Variants in GALNT10 observed in about 807,000 individuals in gnomAD.
GALNT10 encodes GalNAc transferase 10.
In GALNT10, 41 loss-of-function variants were observed where a neutral mutation model predicts 75.0. The ratio of observed to expected loss-of-function variants is 0.55; its 90% CI spans 0.43 to 0.71. The LOEUF is 0.71. Among genes scored for constraint, GALNT10 ranks in the 30% least tolerant of loss-of-function variants. The pLI is 0.00. For synonymous variants in GALNT10, 302 were observed against 313.0 expected, an observed-to-expected ratio of 0.96 and a Z score of 0.37; for missense variants, 727 against 818.5, an observed-to-expected ratio of 0.89 and a Z score of 1.36.
chr5:154,221,639 G>T (rs1158354762), intron 1 of GALNT10, among the ~76,000 whole-genome samples: 1 of 152,194 alleles, frequency 6.6e-6, no homozygotes, highest in African/African-American at 2.4e-5. Flanking sequence ...AAAAACCACA[G>T]GAATGCAACC....
intron 5 of GALNT10, among the ~76,000 whole-genome samples, chr5:154,377,569 C>T (rs1755676200): frequency 6.6e-6 from 1 of 152,164 alleles, no homozygotes; most frequent in South Asian, 2.1e-4. Flanking sequence ...CCAGTGATGC[C>T]AGTGTTGCTG....
chr5:154,313,871 C>T (rs964476544), intron 3 of GALNT10, among the ~76,000 whole-genome samples: 4 of 152,198 alleles, frequency 2.6e-5, no homozygotes, highest in African/African-American at 7.2e-5. Context: ...ACTTTTCACA[C>T]TCTACCCACT....
chr5:154,219,741 A>G (rs868718190), intron 1 of GALNT10: 11 of 151,988 alleles, frequency 7.2e-5, no homozygotes, highest in Non-Finnish European at 1.0e-4. Flanking sequence ...TCCAAGCCCA[A>G]CGTTTTACAA....
chr5:154,414,315 A>G (rs1582021805), intron 10 of GALNT10, among the ~76,000 whole-genome samples: 1 of 152,252 alleles, frequency 6.6e-6, no homozygotes, highest in East Asian at 1.9e-4. Context: ...ACTAATGTTC[A>G]TAGCAGGTTT....
In GALNT10 at chr5:154,416,157, C is replaced by T. The variant is rs1756503576; in HGVS notation, c.1653+225C>T. ...CTGATTCCATTTAAAAAGAAAAGTGCAGCCGGGCACAGTGGCTCATGCCTG... is the reference window on the plus strand; with the variant it reads ...CTGATTCCATTTAAAAAGAAAAGTGTAGCCGGGCACAGTGGCTCATGCCTG... On this transcript the variant is annotated intron_variant, in intron 11 of 11. Transcript: ENST00000297107. This position sits in a 1 kb window ranked among gnomAD's most constrained non-coding sequence, Gnocchi z 4.5. 6.6e-6 allele frequency among the ~76,000 whole-genome samples: 1 copy of T among 152,128 alleles called. No individual in the cohort carries two copies. The highest frequency in any genetic ancestry group is 1.5e-5 in the Non-Finnish European group (1 of 68,020).
At chr5:154,339,792 C>T (rs546072141) in intron 4 of GALNT10, among the ~76,000 whole-genome samples, 1 of 152,294 alleles carries the variant, frequency 6.6e-6, no homozygotes, top group African/African-American at 2.4e-5. Flanking sequence ...GGATTAAAGT[C>T]TAACCTTTTC....
At chr5:154,299,872 T>A (rs1581962646) in intron 3 of GALNT10, among the ~76,000 whole-genome samples, 1 of 144,660 alleles carries the variant, frequency 6.9e-6, no homozygotes, top group Non-Finnish European at 1.5e-5. Context: ...TCTCGCCCTA[T>A]CACCCAGGCT....
chr5:154,293,001 A>G (rs552332371), intron 1 of GALNT10, among the ~76,000 whole-genome samples: 2 of 152,264 alleles, frequency 1.3e-5, no homozygotes, highest in African/African-American at 2.4e-5. Flanking sequence ...TCTAACCAAG[A>G]CATCTAGCAC....
rs1460077384 is a variant in GALNT10 at position 154,376,592 on chromosome 5, G to T, written c.754+130G>T. 3.4e-6 allele frequency: 2 copies of T among 596,472 alleles called. No homozygotes were observed. Among genetic ancestry groups the T allele is most frequent in the Non-Finnish European group, 5.7e-6 (2 of 347,844 alleles). The allele number at this position is 596,472 out of a possible 1,614,324, so 36.9% of individuals were successfully genotyped here. On this transcript the variant is annotated intron_variant, in intron 5 of 11. Coordinates refer to ENST00000297107, the MANE Select transcript of GALNT10 (RefSeq NM_198321.4). This position sits in a 1 kb window ranked among gnomAD's most constrained non-coding sequence, Gnocchi z 4.1. Reference sequence around the variant, plus strand: ...CGAGATGCCCCCAGCACAATGCCAGGTGCCATGAGGGATTCAGAAGTTCAG... The same window carrying T: ...CGAGATGCCCCCAGCACAATGCCAGTTGCCATGAGGGATTCAGAAGTTCAG...
chr5:154,227,621 A>G (rs1753084259), intron 1 of GALNT10, among the ~76,000 whole-genome samples: 1 of 151,978 alleles, frequency 6.6e-6, no homozygotes, highest in Admixed American at 6.6e-5. Context: ...TTATTCTTTT[A>G]ATAGTGTCCT....
chr5:154,197,593 G>A (rs770165062), intron 1 of GALNT10, among the ~76,000 whole-genome samples: 2 of 152,080 alleles, frequency 1.3e-5, no homozygotes, highest in African/African-American at 2.4e-5. Context: ...CTTCCCTATG[G>A]CTTTAAGAGA....
chr5:154,397,575 T>TA (rs1180738504), intron 7 of GALNT10, among the ~76,000 whole-genome samples: 3 of 152,196 alleles, frequency 2.0e-5, no homozygotes, highest in African/African-American at 7.2e-5. Context: ...TCAATTCTAA[T>TA]TCCAGAACCA....
intron 3 of GALNT10, among the ~76,000 whole-genome samples, chr5:154,324,346 C>T (rs1754723607): frequency 6.6e-6 from 1 of 152,194 alleles, no homozygotes; most frequent in African/African-American, 2.4e-5. Flanking sequence ...CTAATTGATG[C>T]TTGGATATAA....
intron 1 of GALNT10, among the ~76,000 whole-genome samples, chr5:154,282,660 T>C (rs1159580235): frequency 6.6e-6 from 1 of 152,210 alleles, no homozygotes; most frequent in Non-Finnish European, 1.5e-5. Context: ...CAGCTCTCTT[T>C]TGAGCTTTGT....
At chr5:154,357,815 C>T (rs1488440348) in intron 4 of GALNT10, among the ~76,000 whole-genome samples, 2 of 152,108 alleles carry the variant, frequency 1.3e-5, no homozygotes, top group Admixed American at 6.5e-5. Context: ...CCTGGGGGCC[C>T]GTTAAGCATC....
intron 1 of GALNT10, among the ~76,000 whole-genome samples, chr5:154,269,291 C>G (rs1753826377): frequency 6.6e-6 from 1 of 152,148 alleles, no homozygotes; most frequent in Non-Finnish European, 1.5e-5. Context: ...TAAATGCTAG[C>G]TATTATTGTT....
intron 1 of GALNT10, among the ~76,000 whole-genome samples, chr5:154,258,545 T>G (rs1418677887): frequency 6.6e-6 from 1 of 152,216 alleles, no homozygotes; most frequent in Non-Finnish European, 1.5e-5. Context: ...GTCTTTGGGA[T>G]TCTGATCACA....
intron 3 of GALNT10, among the ~76,000 whole-genome samples, chr5:154,328,875 C>G (rs960157180): frequency 2.0e-5 from 3 of 152,144 alleles, no homozygotes; most frequent in Non-Finnish European, 4.4e-5. Flanking sequence ...AGGGCAGGGT[C>G]TGTGGGAAGG....
intron 4 of GALNT10, among the ~76,000 whole-genome samples, chr5:154,330,933 GTGTGTT>G (rs994161531): frequency 7.2e-4 from 25 of 34,784 alleles, no homozygotes; most frequent in Admixed American, 2.2e-3. Flanking sequence ...GTGTGTGTGT[GTGTGTT>G]TGTGTGTGTG....
Sources: gnomAD v4.1 joint callset for allele counts (sites outside exome capture counted in the v4.1 genomes callset) on GRCh38, gnomAD v4.1.1 for gene constraint, Gnocchi (gnomAD v3.1) non-coding constraint, MANE v1.5 for transcripts, NCBI Gene and HGNC (gene_info 2026-07-23, HGNC 2026-07-21) for gene names.